FAM89A: variants seen among roughly 807,000 people sequenced by gnomAD.
FAM89A encodes protein FAM89A.
A neutral mutation model predicts 7.1 loss-of-function variants in FAM89A; 10 were observed. The observed-to-expected ratio is 1.40, with a 90% CI of 0.86 to 2.38. The LOEUF (loss-of-function observed/expected upper bound fraction) is 2.38, where lower values mean the gene tolerates loss of function less well. Ranked by LOEUF, FAM89A falls within the 30% of genes most tolerant of loss-of-function variation. FAM89A has a pLI of 0.00. For missense variants in FAM89A, 276 were observed against 262.8 expected, an observed-to-expected ratio of 1.05 and a Z score of -0.35; for synonymous variants, 157 against 129.3, an observed-to-expected ratio of 1.21 and a Z score of -1.45.
At chr1:231,020,277 G>A in intron 1 of FAM89A, 151 bp from the exon 2 acceptor site, 1 of 826,240 alleles carries the variant, frequency 1.2e-6, no homozygotes, top group Non-Finnish European at 1.8e-6. Flanking sequence ...TGGATTTCCA[G>A]TTTTGAGAAC....
At position 231,040,007 on chromosome 1, in the gene FAM89A, G is replaced by C. The variant is rs2103079157; in HGVS notation, c.205C>G (p.Pro69Ala). Residue 69 changes from proline to alanine, a missense_variant, in exon 1 of 2, where the codon CCG (proline) becomes GCG (alanine). Transcript: ENST00000366654. ...RIQDELSRGG[P>A]GGGGARAAAL... is the part of the protein sequence containing the mutation. Reference sequence around the variant, plus strand: ...GCCGCCCGGGCCCCGCCGCCGCCCGGGCCCCCGCGGCTCAGCTCGTCCTGG... The same window carrying C: ...GCCGCCCGGGCCCCGCCGCCGCCCGCGCCCCCGCGGCTCAGCTCGTCCTGG... 7.1e-7 allele frequency: 1 copy of C among 1,413,146 alleles called. No individual in the cohort carries two copies. Among genetic ancestry groups the C allele is most frequent in the Non-Finnish European group, 9.2e-7 (1 of 1,087,688 alleles). 87.5% of individuals were successfully genotyped at this position (1,413,146 alleles called of 1,614,324 possible). A position where few individuals can be genotyped will look rare whatever the true frequency, so the allele number is the denominator to read the frequency against.
intron 1 of FAM89A, among the ~76,000 whole-genome samples, chr1:231,034,454 C>T (rs1680125718): frequency 6.6e-6 from 1 of 152,032 alleles, no homozygotes. Flanking sequence ...TCATGTGCTT[C>T]TCCAGTCTTA....
In FAM89A at chr1:231,020,260, G is replaced by C. The variant is rs1272282050; in HGVS notation, c.292-134C>G. 6 of 955,210 alleles carry C rather than the reference G, an allele frequency of 6.3e-6. No individual in the cohort carries two copies. The East Asian group carries it at 1.6e-4, about 25-fold the overall frequency. The allele number at this position is 955,210 out of a possible 1,614,324, so 59.2% of individuals were successfully genotyped here. Reference sequence around the variant, plus strand: ...GGCGCATGATTCAGAGCATCACTCGGATGCTTTGGATTTCCAGTTTTGAGA... The same window carrying C: ...GGCGCATGATTCAGAGCATCACTCGCATGCTTTGGATTTCCAGTTTTGAGA... On this transcript the variant is annotated intron_variant, in intron 1 of 1. Transcript: ENST00000366654.
At chr1:231,038,086 A>G (rs1680190212) in intron 1 of FAM89A, among the ~76,000 whole-genome samples, 1 of 152,228 alleles carries the variant, frequency 6.6e-6, no homozygotes, top group African/African-American at 2.4e-5. Flanking sequence ...TCAGTAAATC[A>G]ATTAAAAAGC....
At chr1:231,038,867 A>C (rs1449197705) in intron 1 of FAM89A, among the ~76,000 whole-genome samples, 1 of 152,200 alleles carries the variant, frequency 6.6e-6, no homozygotes, top group Non-Finnish European at 1.5e-5. Flanking sequence ...ATAACAATTT[A>C]TTTTTTGGCA....
In FAM89A at chr1:231,019,733, T is replaced by C. The variant is rs1460815788; in HGVS notation, c.*130A>G. On this transcript the variant is annotated 3_prime_UTR_variant, in exon 2 of 2. Coordinates refer to ENST00000366654, the MANE Select transcript of FAM89A (RefSeq NM_198552.3). ...AGAACTCCCTGCCTACAAATGAAACTGGTAGCGCTCATCCCCTGTGCCCGA... is the reference window on the plus strand; with the variant it reads ...AGAACTCCCTGCCTACAAATGAAACCGGTAGCGCTCATCCCCTGTGCCCGA... 10 of 984,822 alleles carry C rather than the reference T, an allele frequency of 1.0e-5. No homozygotes were observed. The highest frequency in any genetic ancestry group is 1.3e-5 in the Non-Finnish European group (9 of 676,002). The allele number at this position is 984,822 out of a possible 1,614,324, so 61.0% of individuals were successfully genotyped here. A position where few individuals can be genotyped will look rare whatever the true frequency, so the allele number is the denominator to read the frequency against.
chr1:231,039,590 G>A (rs534378050), intron 1 of FAM89A, among the ~76,000 whole-genome samples: 3 of 152,332 alleles, frequency 2.0e-5, no homozygotes, highest in South Asian at 4.1e-4. Flanking sequence ...GGGGAGAGGT[G>A]ACAAGGCCGC....
chr1:231,030,907 C>T (rs996040614), intron 1 of FAM89A, among the ~76,000 whole-genome samples: 4 of 152,078 alleles, frequency 2.6e-5, no homozygotes, highest in Admixed American at 1.3e-4. Flanking sequence ...CCTGAGAGTT[C>T]GAGACCAGCC....
intron 1 of FAM89A, among the ~76,000 whole-genome samples, chr1:231,029,919 T>C (rs1680041036): frequency 6.6e-6 from 1 of 152,152 alleles, no homozygotes; most frequent in South Asian, 2.1e-4. Flanking sequence ...ATCCAATCGA[T>C]TATAACCTGA....
chr1:231,039,886 C>T lies in FAM89A; in HGVS notation c.291+35G>A, dbSNP rs540014909. On this transcript the variant is annotated intron_variant, in intron 1 of 1. Coordinates refer to ENST00000366654, the MANE Select transcript of FAM89A (RefSeq NM_198552.3). The stretch of plus-strand genomic sequence containing the variant: ...AACTTTCCCGGGACGGCGAGCCCGG[C>T]CGGGAAGAGCCCCAGCTCGCGGAGC... 8.3e-4 allele frequency: 1,069 copies of T among 1,284,888 alleles called. 4 individuals carry two copies. The African/African-American group carries it at 0.014, about 17-fold the overall frequency. The allele number at this position is 1,284,888 out of a possible 1,614,324, so 79.6% of individuals were successfully genotyped here. A position where few individuals can be genotyped will look rare whatever the true frequency, so the allele number is the denominator to read the frequency against.
intron 1 of FAM89A, among the ~76,000 whole-genome samples, chr1:231,024,953 T>G (rs1679939690): frequency 6.9e-6 from 1 of 145,314 alleles, no homozygotes; most frequent in Non-Finnish European, 1.5e-5. Flanking sequence ...GACAGAGTCT[T>G]GCTCTGTTGC....
chr1:231,033,341 GCTTGGTTTTTC>G (rs1249241058), intron 1 of FAM89A, among the ~76,000 whole-genome samples: 3 of 152,236 alleles, frequency 2.0e-5, no homozygotes, highest in Non-Finnish European at 4.4e-5. Context: ...ATTATGAAAA[GCTTGGTTTTTC>G]AAAGTGGGGT....
chr1:231,030,520 T>C (rs1680049208), intron 1 of FAM89A, among the ~76,000 whole-genome samples: 1 of 152,242 alleles, frequency 6.6e-6, no homozygotes, highest in Non-Finnish European at 1.5e-5. Context: ...TTTCCTCTTG[T>C]TCTGTCCTGG....
At chr1:231,039,839 C>A in intron 1 of FAM89A, 82 bp downstream of exon 1, 1 of 1,243,162 alleles carries the variant, frequency 8.0e-7, no homozygotes, top group Non-Finnish European at 1.0e-6. Flanking sequence ...CGGGGACTTC[C>A]GGACAGAGCG....
chr1:231,026,999 A>G (rs993521841), intron 1 of FAM89A: 1 of 152,226 alleles, frequency 6.6e-6, no homozygotes, highest in African/African-American at 2.4e-5. Flanking sequence ...TACCCCAGGA[A>G]TGAATAATGG....
chr1:231,034,650 T>G (rs6701089), intron 1 of FAM89A, among the ~76,000 whole-genome samples: 58,999 of 151,180 alleles, frequency 0.39, 11,564 homozygotes, highest in East Asian at 0.55. Flanking sequence ...CGCATGCCTG[T>G]AATCCCAGCT....
chr1:231,034,647 C>T (rs974077347), intron 1 of FAM89A, among the ~76,000 whole-genome samples: 5 of 152,096 alleles, frequency 3.3e-5, no homozygotes. Context: ...TGGCGCATGC[C>T]TGTAATCCCA....
chr1:231,040,110 C>T lies in FAM89A; in HGVS notation c.102G>A (p.Leu34=), dbSNP rs1456720493. ...LPPLPKSLSG[L]LHSASGGGAS... ...CGCCGCCGCCCGACGCCGAGTGCAGCAGCCCGCTCAAGCTCTTTGGCAGCG... is the reference window on the plus strand; with the variant it reads ...CGCCGCCGCCCGACGCCGAGTGCAGTAGCCCGCTCAAGCTCTTTGGCAGCG... Residue 34 remains leucine, a synonymous_variant, in exon 1 of 2, where the codon CTG becomes CTA. Transcript: ENST00000366654. 3 of 1,422,656 alleles carry T rather than the reference C, an allele frequency of 2.1e-6. No homozygotes were observed. Among genetic ancestry groups the T allele is most frequent in the Non-Finnish European group, 2.8e-6 (3 of 1,086,894 alleles). The allele number at this position is 1,422,656 out of a possible 1,614,324, so 88.1% of individuals were successfully genotyped here. A position where few individuals can be genotyped will look rare whatever the true frequency, so the allele number is the denominator to read the frequency against.
Position 231,039,871 on chromosome 1 carries a change from G to A in FAM89A, c.291+50C>T, listed in dbSNP as rs1572360130. The A allele has an allele frequency of 2.4e-6, 3 of 1,274,728 alleles. No homozygotes were observed. In the East Asian group the frequency reaches 9.5e-5, roughly 41 times the overall value. 79.0% of individuals were successfully genotyped at this position (1,274,728 alleles called of 1,614,324 possible). A position where few individuals can be genotyped will look rare whatever the true frequency, so the allele number is the denominator to read the frequency against. On this transcript the variant is annotated intron_variant, in intron 1 of 1. Transcript: ENST00000366654. ...AGCGCGGTCCCCGCGAACTTTCCCG[G>A]GACGGCGAGCCCGGCCGGGAAGAGC...
Sources: allele counts gnomAD v4.1 joint callset (sites outside exome capture counted in the v4.1 genomes callset), GRCh38; gene constraint gnomAD v4.1.1; transcripts MANE v1.5; gene names NCBI Gene and HGNC (gene_info 2026-07-23, HGNC 2026-07-21).